KPNB1: variants seen among roughly 807,000 people sequenced by gnomAD.
The protein encoded by KPNB1 is importin subunit beta-1.
KPNB1 carries 7 observed loss-of-function variants against 113.0 expected under a neutral mutation model. That is an observed-to-expected ratio of 0.06 (90% confidence interval 0.04 to 0.12). KPNB1 has a LOEUF of 0.12. Among genes scored for constraint, KPNB1 ranks in the 10% least tolerant of loss-of-function variants. KPNB1 has a pLI of 1.00. For missense variants in KPNB1, 400 were observed against 1,054.8 expected (o/e 0.38, Z 8.60); for synonymous variants, 363 against 378.6 (o/e 0.96, Z 0.48).
At chr17:47,655,484 A>G (rs1014360937) in intron 3 of KPNB1, among the ~76,000 whole-genome samples, 1 of 152,222 alleles carries the variant, frequency 6.6e-6, no homozygotes, top group Admixed American at 6.5e-5. Context: ...AACATCAGCA[A>G]CGTTGTTTTT....
In KPNB1 at chr17:47,656,843, CTTT is replaced by C. The variant is rs68149542; in HGVS notation, c.283-10_283-8del. On this transcript the variant is annotated splice_polypyrimidine_tract_variant and intron_variant, in intron 3 of 21. Coordinates refer to ENST00000290158, the MANE Select transcript of KPNB1 (RefSeq NM_002265.6). ...AGTGTTAGAAATTTGTATCTTTTGT[CTTT>C]TTTTTTGGTGCAGGTTTTGCAGACA... The C allele has an allele frequency of 0.53, 848,860 of 1,598,344 alleles. 226,266 individuals are homozygous for C. Among genetic ancestry groups the C allele is most frequent in the East Asian group, 0.65 (29,108 of 44,572 alleles).
chr17:47,659,125 G>A (rs1362466643), intron 5 of KPNB1, among the ~76,000 whole-genome samples: 1 of 152,048 alleles, frequency 6.6e-6, no homozygotes, highest in Non-Finnish European at 1.5e-5. Context: ...GAGGCGGGTG[G>A]ATCATCAGGT....
chr17:47,674,166 ATGTT>A (rs1187921204), intron 14 of KPNB1, among the ~76,000 whole-genome samples: 10 of 152,162 alleles, frequency 6.6e-5, no homozygotes, highest in Admixed American at 1.3e-4. Context: ...TGAGGAAGGA[ATGTT>A]TGATGGGAGA....
At chr17:47,652,943 G>C in intron 3 of KPNB1, 67 bp downstream of exon 3, 1 of 1,282,040 alleles carries the variant, frequency 7.8e-7, no homozygotes, top group Non-Finnish European at 1.1e-6. Context: ...CAGATCTTTT[G>C]CTATTTGCAT....
chr17:47,676,807 C>CTTT lies in KPNB1; in HGVS notation c.1996-194_1996-192dup, dbSNP rs10649330. Among the ~76,000 whole-genome samples, 252 of 116,184 alleles carry CTTT rather than the reference C, an allele frequency of 2.2e-3. 6 individuals carry two copies. In the South Asian group the frequency reaches 0.024, roughly 11 times the overall value. 76.2% of individuals were successfully genotyped at this position (116,184 alleles called of 152,430 possible). ...GCTATTAGCACCCTGGAGAGCAAGG[C>CTTT]TTTTTTTTTTTTTTTTTTTTTAACT... On this transcript the variant is annotated intron_variant, in intron 16 of 21. Transcript: ENST00000290158.
intron 3 of KPNB1, among the ~76,000 whole-genome samples, chr17:47,656,646 C>T (rs1277450256): frequency 1.3e-5 from 2 of 151,524 alleles, no homozygotes; most frequent in Non-Finnish European, 2.9e-5. Flanking sequence ...TACTCAGGAG[C>T]CTGAGGCGGG....
In KPNB1 at chr17:47,664,988, T is replaced by C; in HGVS notation, c.898-69T>C. Reference sequence around the variant, plus strand: ...TTCTGTTAAGAGATCCCTGTTCGGCTCTCATTGTATGCCTTTAGTATACAG... The same window carrying C: ...TTCTGTTAAGAGATCCCTGTTCGGCCCTCATTGTATGCCTTTAGTATACAG... On this transcript the variant is annotated intron_variant, in intron 8 of 21. Transcript: ENST00000290158. The C allele has an allele frequency of 3.8e-6, 4 of 1,060,572 alleles. 1 individual carries two copies. Among genetic ancestry groups the C allele is most frequent in the South Asian group, 3.8e-5 (3 of 79,782 alleles). 65.7% of individuals were successfully genotyped at this position (1,060,572 alleles called of 1,614,324 possible).
chr17:47,685,294 A>G lies in KPNB1; in HGVS notation c.*2890A>G, dbSNP rs1297329998. The G allele has an allele frequency of 1.3e-5, 2 of 152,178 alleles. No individual in the cohort carries two copies. Among genetic ancestry groups the G allele is most frequent in the Non-Finnish European group, 2.9e-5 (2 of 68,032 alleles). 9.4% of individuals were successfully genotyped at this position (152,178 alleles called of 1,614,324 possible). On this transcript the variant is annotated 3_prime_UTR_variant, in exon 22 of 22. Transcript: ENST00000290158. ...AAATATTTAAGAAGTGTGTTAGTCC[A>G]ACTTTAAGAAAAATCCAAACTCATC...
Position 47,684,359 on chromosome 17 carries a change from A to AT in KPNB1, c.*1955_*1956insT, listed in dbSNP as rs936186598. 3 of 152,118 alleles carry AT rather than the reference A, an allele frequency of 2.0e-5. No individual in the cohort carries two copies. Among genetic ancestry groups the AT allele is most frequent in the African/African-American group, 7.2e-5 (3 of 41,416 alleles). 9.4% of individuals were successfully genotyped at this position (152,118 alleles called of 1,614,324 possible). A position where few individuals can be genotyped will look rare whatever the true frequency, so the allele number is the denominator to read the frequency against. ...TATGAACCAGTGTACAAAAAAAAAAAAATCCAGGTATTTGAAGGAGAGACG... is the reference window on the plus strand; with the variant it reads ...TATGAACCAGTGTACAAAAAAAAAAATAATCCAGGTATTTGAAGGAGAGACG... On this transcript the variant is annotated 3_prime_UTR_variant, in exon 22 of 22. Transcript: ENST00000290158.
At position 47,667,075 on chromosome 17, in the gene KPNB1, A is replaced by G. The variant is rs112468713; in HGVS notation, c.1000-1111A>G. Among the ~76,000 whole-genome samples, 778 of 152,248 alleles carry G rather than the reference A, an allele frequency of 5.1e-3. 1 individual carries two copies. The highest frequency in any genetic ancestry group is 8.9e-3 in the Non-Finnish European group (606 of 68,012). ...CTTGGATTCTAACTTAAGAGGAGAT[A>G]TTAGTGGAATCTTTTCTTTTTTGAA... On this transcript the variant is annotated intron_variant, in intron 9 of 21. Transcript: ENST00000290158.
chr17:47,659,566 A>T (rs1158824982), intron 5 of KPNB1, among the ~76,000 whole-genome samples: 1 of 152,304 alleles, frequency 6.6e-6, no homozygotes, highest in Admixed American at 6.5e-5. Context: ...TAGCCTGTGC[A>T]ACGTAACAAA....
chr17:47,658,510 C>T lies in KPNB1; in HGVS notation c.486C>T (p.Asp162=), dbSNP rs1309512027. The T allele has an allele frequency of 1.2e-6, 2 of 1,612,374 alleles. No individual in the cohort carries two copies. The highest frequency in any genetic ancestry group is 3.3e-5 in the Admixed American group (2 of 59,994). ...EAIGYICQDI[D]PEQLQDKSNE... ...TTGCACTTCTCTGCTTGTTACAGGACCCAGAGCAGCTACAAGATAAATCCA... is the reference window on the plus strand; with the variant it reads ...TTGCACTTCTCTGCTTGTTACAGGATCCAGAGCAGCTACAAGATAAATCCA... Residue 162 remains aspartate, a splice_region_variant and synonymous_variant, in exon 5 of 22, where the codon GAC becomes GAT. Transcript: ENST00000290158.
intron 10 of KPNB1, among the ~76,000 whole-genome samples, chr17:47,668,879 ATGT>A (rs1319416882): frequency 6.6e-6 from 1 of 151,812 alleles, no homozygotes; most frequent in African/African-American, 2.4e-5. Context: ...TGTAATGAAA[ATGT>A]TCTTATGGAA....
chr17:47,675,688 G>A (rs2030597027), intron 15 of KPNB1, among the ~76,000 whole-genome samples: 1 of 152,094 alleles, frequency 6.6e-6, no homozygotes, highest in South Asian at 2.1e-4. Flanking sequence ...ATTTTTACAT[G>A]TCTGACTGCA....
intron 7 of KPNB1, 32 bp downstream of exon 7, chr17:47,663,210 G>A (rs774990634): frequency 8.9e-7 from 1 of 1,129,486 alleles, no homozygotes; most frequent in Admixed American, 1.7e-5. Context: ...ATTTGAGCTT[G>A]TGGCTAATTA....
intron 19 of KPNB1, among the ~76,000 whole-genome samples, chr17:47,679,540 C>T (rs918888588): frequency 8.6e-5 from 13 of 151,944 alleles, no homozygotes; most frequent in African/African-American, 2.2e-4. Context: ...ACTTGAGGAA[C>T]GACACATTAA....
intron 3 of KPNB1, among the ~76,000 whole-genome samples, chr17:47,653,259 A>T (rs1397073029): frequency 1.3e-5 from 2 of 148,506 alleles, no homozygotes; most frequent in African/African-American, 5.0e-5. Context: ...CTTCTGGAGT[A>T]CAGCTCAGGG....
At chr17:47,653,025 TA>T (rs1915621665) in intron 3 of KPNB1, 149 bp downstream of exon 3, 1 of 521,462 alleles carries the variant, frequency 1.9e-6, no homozygotes, top group Admixed American at 3.8e-5. Flanking sequence ...GTCTTTGTCT[TA>T]AATCTTTCTC....
intron 7 of KPNB1, among the ~76,000 whole-genome samples, chr17:47,663,534 C>T (rs1390345170): frequency 1.3e-5 from 2 of 151,960 alleles, no homozygotes; most frequent in Admixed American, 6.6e-5. Flanking sequence ...CGTGGTGGCA[C>T]GTGCCTGTAA....
Sources: gnomAD v4.1 joint callset for allele counts (sites outside exome capture counted in the v4.1 genomes callset) on GRCh38, gnomAD v4.1.1 for gene constraint, MANE v1.5 for transcripts, NCBI Gene and HGNC (gene_info 2026-07-23, HGNC 2026-07-21) for gene names.